DIRAS2: variants seen among roughly 807,000 people sequenced by gnomAD.
DIRAS2 encodes the protein GTP-binding protein Di-Ras2.
DIRAS2 carries 5 observed loss-of-function variants against 13.9 expected under a neutral mutation model. That is an observed-to-expected ratio of 0.36 (90% CI 0.19 to 0.76). The LOEUF (loss-of-function observed/expected upper bound fraction) is 0.76, where lower values mean the gene tolerates loss of function less well. DIRAS2 is among the 30% of genes least tolerant of loss of function. DIRAS2 has a pLI of 0.53. For synonymous variants in DIRAS2, 111 were observed against 105.4 expected, an observed-to-expected ratio of 1.05 and a Z score of -0.33; for missense variants, 191 against 263.0, an observed-to-expected ratio of 0.73 and a Z score of 1.89.
At chr9:90,623,154 G>C (rs1176733930) in intron 1 of DIRAS2, among the ~76,000 whole-genome samples, 2 of 152,120 alleles carry the variant, frequency 1.3e-5, no homozygotes, top group Non-Finnish European at 2.9e-5. Flanking sequence ...TGAGCTCTCT[G>C]TGTCTCTGTT....
intron 1 of DIRAS2, among the ~76,000 whole-genome samples, chr9:90,625,188 G>A (rs939629409): frequency 6.6e-6 from 1 of 152,206 alleles, no homozygotes; most frequent in African/African-American, 2.4e-5. Context: ...TGCCAGTTAT[G>A]AGGGCTTGAT....
chr9:90,624,148 G>C (rs2118558734), intron 1 of DIRAS2, among the ~76,000 whole-genome samples: 2 of 152,284 alleles, frequency 1.3e-5, no homozygotes, highest in Admixed American at 1.3e-4. Flanking sequence ...CCCTTTAAAA[G>C]TCTTAATAAT....
chr9:90,618,851 C>T (rs1015157351), intron 1 of DIRAS2, among the ~76,000 whole-genome samples: 7 of 152,158 alleles, frequency 4.6e-5, no homozygotes, highest in African/African-American at 9.7e-5. Context: ...ACATAATAGT[C>T]ACCAGGGAAG....
chr9:90,612,635 A>G lies in DIRAS2; in HGVS notation c.*593T>C, dbSNP rs1825125051. Reference sequence around the variant, plus strand: ...TTCCTAACTAGGTCTAGGTAAGGTGAACACATCCCCTCAGGGTAGCAAGGC... The same window carrying G: ...TTCCTAACTAGGTCTAGGTAAGGTGGACACATCCCCTCAGGGTAGCAAGGC... On this transcript the variant is annotated 3_prime_UTR_variant, in exon 2 of 2. Transcript: ENST00000375765. 1 of 154,848 alleles carries G rather than the reference A, an allele frequency of 6.5e-6. No homozygotes were observed. 9.6% of individuals were successfully genotyped at this position (154,848 alleles called of 1,614,324 possible).
chr9:90,610,616 C>G lies in DIRAS2; in HGVS notation c.*2612G>C. Reference sequence around the variant, plus strand: ...ACAGCTACATATTTGGGAATGGAAACGTACAAATGCTTTAAAAAAATCTAA... The same window carrying G: ...ACAGCTACATATTTGGGAATGGAAAGGTACAAATGCTTTAAAAAAATCTAA... On this transcript the variant is annotated 3_prime_UTR_variant, in exon 2 of 2. Coordinates refer to ENST00000375765, the MANE Select transcript of DIRAS2 (RefSeq NM_017594.5). The G allele has an allele frequency of 2.6e-6, 1 of 390,452 alleles. No homozygotes were observed. The allele number at this position is 390,452 out of a possible 1,614,324, so 24.2% of individuals were successfully genotyped here.
intron 1 of DIRAS2, among the ~76,000 whole-genome samples, chr9:90,628,633 T>A (rs1825294307): frequency 6.6e-6 from 1 of 151,726 alleles, no homozygotes; most frequent in Non-Finnish European, 1.5e-5. Flanking sequence ...ATAGCCTCAA[T>A]CTCCCGGGCT....
rs967671751 is a variant in DIRAS2, at chr9:90,612,805, C to T, written c.*423G>A. On this transcript the variant is annotated 3_prime_UTR_variant, in exon 2 of 2. Coordinates refer to ENST00000375765, the MANE Select transcript of DIRAS2 (RefSeq NM_017594.5). ...CTTCTCACCTCTTCCTGCCCCTCCC[C>T]TCCCCCAAAGATGTGATTGGCTTCT... 2.7e-5 allele frequency: 5 copies of T among 183,990 alleles called. No individual in the cohort carries two copies. The highest frequency in any genetic ancestry group is 5.7e-5 in the Non-Finnish European group (5 of 87,154). 11.4% of individuals were successfully genotyped at this position (183,990 alleles called of 1,614,324 possible).
chr9:90,633,844 G>A (rs1024027322), intron 1 of DIRAS2, among the ~76,000 whole-genome samples: 2 of 152,210 alleles, frequency 1.3e-5, no homozygotes, highest in Non-Finnish European at 2.9e-5. Context: ...AGTGGATTGA[G>A]AAGTAAGCAT....
intron 1 of DIRAS2, among the ~76,000 whole-genome samples, chr9:90,633,774 A>G (rs1210673759): frequency 1.3e-5 from 2 of 152,238 alleles, no homozygotes; most frequent in African/African-American, 4.8e-5. Context: ...AAGCAATGCA[A>G]GTCACTGGTG....
At chr9:90,639,857 C>A (rs546465245) in intron 1 of DIRAS2, among the ~76,000 whole-genome samples, 60 of 152,294 alleles carry the variant, frequency 3.9e-4, no homozygotes, top group African/African-American at 1.4e-3. Context: ...AATCTGAGAT[C>A]ATTTGTATAT....
At chr9:90,627,395 G>A (rs1256836218) in intron 1 of DIRAS2, among the ~76,000 whole-genome samples, 1 of 152,200 alleles carries the variant, frequency 6.6e-6, no homozygotes, top group Admixed American at 6.5e-5. Flanking sequence ...TGAACCTTGA[G>A]GACATTATGC....
intron 1 of DIRAS2, among the ~76,000 whole-genome samples, chr9:90,636,995 C>A (rs776183236): frequency 3.9e-5 from 6 of 152,196 alleles, no homozygotes; most frequent in Non-Finnish European, 7.3e-5. Flanking sequence ...GCAACATAGT[C>A]AATTATAGAG....
At chr9:90,633,806 A>G (rs1264730955) in intron 1 of DIRAS2, among the ~76,000 whole-genome samples, 3 of 152,206 alleles carry the variant, frequency 2.0e-5, no homozygotes, top group East Asian at 1.9e-4. Context: ...AGGCGCTTCA[A>G]TGGCACCACA....
chr9:90,613,761 G>C lies in DIRAS2; in HGVS notation c.67C>G (p.Leu23Val). 6.2e-7 allele frequency: 1 copy of C among 1,614,134 alleles called. No individual in the cohort carries two copies. Among genetic ancestry groups the C allele is most frequent in the Non-Finnish European group, 8.5e-7 (1 of 1,180,028 alleles). Residue 23 changes from leucine (L) to valine (V), a missense_variant, in exon 2 of 2, where the codon CTG becomes GTG. Leu to Val is a conservative substitution (Grantham distance 32). Coordinates refer to ENST00000375765, the MANE Select transcript of DIRAS2 (RefSeq NM_017594.5). This position sits in a 1 kb window ranked among gnomAD's most constrained non-coding sequence, Gnocchi z 5.6. The part of the protein sequence containing the change: ...FGAGGVGKSS[L>V]VLRFVKGTFR... ...GTGCCTTTCACAAACCTCAACACCAGGGAGCTCTTGCCAACACCGCCAGCC... is the reference window on the plus strand; with the variant it reads ...GTGCCTTTCACAAACCTCAACACCACGGAGCTCTTGCCAACACCGCCAGCC...
At chr9:90,627,043 G>A (rs552645639) in intron 1 of DIRAS2, among the ~76,000 whole-genome samples, 1 of 152,120 alleles carries the variant, frequency 6.6e-6, no homozygotes, top group African/African-American at 2.4e-5. Context: ...CTTTGCAAAG[G>A]TGAGTAAGTT....
intron 1 of DIRAS2, among the ~76,000 whole-genome samples, chr9:90,619,293 A>G (rs1161294934): frequency 3.9e-5 from 6 of 152,040 alleles, no homozygotes; most frequent in Non-Finnish European, 8.8e-5. Flanking sequence ...TACAAAAAAA[A>G]TTAGCCAGGT....
chr9:90,614,002 AT>A, intron 1 of DIRAS2, 139 bp from the exon 2 acceptor site: 1 of 926,720 alleles, frequency 1.1e-6, no homozygotes, highest in Non-Finnish European at 1.5e-6. Flanking sequence ...AATCCAATAA[AT>A]TTGGTCAATC....
chr9:90,640,152 T>A (rs1825406028), intron 1 of DIRAS2, among the ~76,000 whole-genome samples: 1 of 152,250 alleles, frequency 6.6e-6, no homozygotes. Flanking sequence ...TTTCAGCTGT[T>A]TCTCTTTACT....
At position 90,639,566 on chromosome 9, in the gene DIRAS2, T is replaced by A. The variant is rs149600752; in HGVS notation, c.-37+3186A>T. ...CTGACCTCTGCAATCAAGAATAAGG[T>A]TGAAGCAAACCCGGGGGGGCAGTAC... On this transcript the variant is annotated intron_variant, in intron 1 of 1. Transcript: ENST00000375765. Among the ~76,000 whole-genome samples the A allele has an allele frequency of 6.0e-3, 917 of 151,832 alleles. 10 individuals carry two copies. The highest frequency in any genetic ancestry group is 0.021 in the African/African-American group (860 of 41,098).
Sources: allele counts gnomAD v4.1 joint callset (sites outside exome capture counted in the v4.1 genomes callset), GRCh38; gene constraint gnomAD v4.1.1; non-coding constraint Gnocchi (gnomAD v3.1); transcripts MANE v1.5; gene names NCBI Gene and HGNC (gene_info 2026-07-23, HGNC 2026-07-21).